The following ANKRD28 variants were observed in gnomAD, a reference collection of about 807,000 sequenced individuals.
ANKRD28 encodes ankyrin repeat domain 28.
In ANKRD28, 44 loss-of-function variants were observed where a neutral mutation model predicts 126.5. That is an observed-to-expected ratio of 0.35 (90% CI 0.27 to 0.45). The LOEUF is 0.45. ANKRD28 is among the 20% of genes least tolerant of loss of function. The pLI is 1.00. For missense variants in ANKRD28, 1,110 were observed against 1,316.6 expected (o/e 0.84, Z 2.43); for synonymous variants, 442 against 468.5 (o/e 0.94, Z 0.73).
Position 15,735,390 on chromosome 3 carries a change from T to G in ANKRD28, c.640+20A>C. On this transcript the variant is annotated intron_variant, in intron 6 of 27. Transcript: ENST00000683139. The stretch of plus-strand genomic sequence containing the variant: ...TTTCTAAATATATAATATCAAAAAC[T>G]AAATTTAAAAAGTACATACCCATAT... 6.6e-7 allele frequency: 1 copy of G among 1,514,336 alleles called. No homozygotes were observed. Among genetic ancestry groups the G allele is most frequent in the South Asian group, 1.3e-5 (1 of 78,964 alleles). 93.8% of individuals were successfully genotyped at this position (1,514,336 alleles called of 1,614,324 possible). A position where few individuals can be genotyped will look rare whatever the true frequency, so the allele number is the denominator to read the frequency against.
rs369061513 is a variant in ANKRD28 at position 15,839,911 on chromosome 3, G to C, written c.27+19466C>G. Among the ~76,000 whole-genome samples the C allele has an allele frequency of 9.3e-4, 142 of 152,188 alleles. No homozygotes were observed. Among genetic ancestry groups the C allele is most frequent in the African/African-American group, 3.4e-3 (140 of 41,526 alleles). On this transcript the variant is annotated intron_variant, in intron 1 of 27. Transcript: ENST00000399451. The surrounding 1 kb of genome is among the most constrained non-coding windows in gnomAD (Gnocchi z 4.3). ...CAGAAGAAACATACCTCAACATAAT[G>C]AAAGCCATATACCACAGACACATAG...
Position 15,833,206 on chromosome 3 carries a change from C to T in ANKRD28, c.27+26171G>A, listed in dbSNP as rs62240840. On this transcript the variant is annotated intron_variant, in intron 1 of 27. Transcript: ENST00000399451. The surrounding 1 kb of genome is among the most constrained non-coding windows in gnomAD (Gnocchi z 4.4). ...ATTTAAGTCAGTGGGCTGGGAAAGG[C>T]GGATCTACCCTTAATCTGAGTAGGC... Among the ~76,000 whole-genome samples, 24 of 151,986 alleles carry T rather than the reference C, an allele frequency of 1.6e-4. No homozygotes were observed. The highest frequency in any genetic ancestry group is 9.8e-4 in the Admixed American group (15 of 15,260).
chr3:15,713,174 G>T (rs1177519012), intron 10 of ANKRD28, among the ~76,000 whole-genome samples: 1 of 152,046 alleles, frequency 6.6e-6, no homozygotes, highest in East Asian at 1.9e-4. Flanking sequence ...ATTATCTACA[G>T]ATAGTATTTG....
intron 14 of ANKRD28, among the ~76,000 whole-genome samples, chr3:15,706,311 A>G (rs2071386097): frequency 6.6e-6 from 1 of 151,772 alleles, no homozygotes; most frequent in Non-Finnish European, 1.5e-5. Flanking sequence ...TTATTGTTCA[A>G]TTCTCACCTA....
intron 6 of ANKRD28, among the ~76,000 whole-genome samples, chr3:15,728,949 T>C (rs1414352687): frequency 1.3e-5 from 2 of 152,216 alleles, no homozygotes; most frequent in African/African-American, 4.8e-5. Flanking sequence ...CTCTCAACCA[T>C]AACAGGTTGG....
At chr3:15,730,082 C>A (rs2074469220) in intron 6 of ANKRD28, among the ~76,000 whole-genome samples, 1 of 152,018 alleles carries the variant, frequency 6.6e-6, no homozygotes, top group African/African-American at 2.4e-5. Flanking sequence ...GTCTTCAACT[C>A]CTGGGCTCAA....
At chr3:15,738,213 A>G (rs537552636) in intron 4 of ANKRD28, among the ~76,000 whole-genome samples, 4 of 152,136 alleles carry the variant, frequency 2.6e-5, no homozygotes, top group African/African-American at 9.7e-5. Context: ...ATTTTCCCTA[A>G]GTGTCGGCTG....
At chr3:15,778,049 C>A (rs1287494751) in intron 2 of ANKRD28, among the ~76,000 whole-genome samples, 1 of 152,106 alleles carries the variant, frequency 6.6e-6, no homozygotes, top group Non-Finnish European at 1.5e-5. Context: ...ATAAAAAATG[C>A]GTATCATACA....
intron 2 of ANKRD28, among the ~76,000 whole-genome samples, chr3:15,790,373 A>G (rs2059971898): frequency 6.6e-6 from 1 of 152,164 alleles, no homozygotes; most frequent in Admixed American, 6.5e-5. Context: ...GCTGATGAGT[A>G]TTAATGCAGA....
chr3:15,737,275 G>A, intron 4 of ANKRD28, 42 bp from the exon 5 acceptor site: 1 of 1,536,388 alleles, frequency 6.5e-7, no homozygotes. Context: ...TGAGTTAAGA[G>A]TTTGAGAAAT....
intron 26 of ANKRD28, 41 bp from the exon 27 acceptor site, chr3:15,676,030 T>A: frequency 6.6e-7 from 1 of 1,508,954 alleles, no homozygotes; most frequent in Non-Finnish European, 9.1e-7. Context: ...TATGTGCATG[T>A]GCATGCACAT....
intron 2 of ANKRD28, among the ~76,000 whole-genome samples, chr3:15,777,230 C>T (rs1451896274): frequency 2.1e-5 from 3 of 145,086 alleles, no homozygotes; most frequent in African/African-American, 7.7e-5. Context: ...GCTGAGATTG[C>T]GCCACTGTAC....
In ANKRD28 at chr3:15,845,310, G is replaced by GTA. The variant is rs5846879; in HGVS notation, c.27+14065_27+14066dup. 0.14 allele frequency among the ~76,000 whole-genome samples: 20,543 copies of GTA among 150,964 alleles called. 2,068 individuals are homozygous for GTA. The highest frequency in any genetic ancestry group is 0.57 in the East Asian group (2,953 of 5,146). ...CACAATCTTCCAGAACATTTCTAAAGTATATATATATATATATTCCATATT... is the reference window on the plus strand; with the variant it reads ...CACAATCTTCCAGAACATTTCTAAAGTATATATATATATATATATTCCATATT... On this transcript the variant is annotated intron_variant, in intron 1 of 27. Transcript: ENST00000399451. This position sits in a 1 kb window ranked among gnomAD's most constrained non-coding sequence, Gnocchi z 4.9.
intron 21 of ANKRD28, among the ~76,000 whole-genome samples, chr3:15,679,994 T>C (rs1306901925): frequency 6.6e-6 from 1 of 152,190 alleles, no homozygotes; most frequent in African/African-American, 2.4e-5. Flanking sequence ...ATAGGTTATA[T>C]GCAAATACTA....
intron 1 of ANKRD28, among the ~76,000 whole-genome samples, chr3:15,825,922 A>G (rs577113183): frequency 6.6e-6 from 1 of 152,340 alleles, no homozygotes; most frequent in South Asian, 2.1e-4. Flanking sequence ...TGCCAAAATG[A>G]AAGTCAAACT....
chr3:15,696,315 G>A, intron 14 of ANKRD28, 70 bp from the exon 15 acceptor site: 2 of 1,022,694 alleles, frequency 2.0e-6, no homozygotes, highest in South Asian at 1.6e-5. Context: ...AAAAGAGACT[G>A]AAATTAAAAA....
In ANKRD28 at chr3:15,667,632, C is replaced by T. The variant is rs2066049718; in HGVS notation, c.*2638G>A. 6.6e-6 allele frequency: 1 copy of T among 152,186 alleles called. No individual in the cohort carries two copies. The highest frequency in any genetic ancestry group is 2.4e-5 in the African/African-American group (1 of 41,458). 9.4% of individuals were successfully genotyped at this position (152,186 alleles called of 1,614,324 possible). A position where few individuals can be genotyped will look rare whatever the true frequency, so the allele number is the denominator to read the frequency against. On this transcript the variant is annotated 3_prime_UTR_variant, in exon 28 of 28. Transcript: ENST00000683139. ...AATGTACTTATTCCAACAATACTGG[C>T]GTAGTTCAAATACCATTTGAGACAG...
At chr3:15,787,929 T>C (rs1454332019) in intron 2 of ANKRD28, among the ~76,000 whole-genome samples, 1 of 152,180 alleles carries the variant, frequency 6.6e-6, no homozygotes, top group African/African-American at 2.4e-5. Context: ...ATAAAGTATA[T>C]CTAAATTCAG....
At chr3:15,717,524 A>AG (rs775407865) in intron 8 of ANKRD28, among the ~76,000 whole-genome samples, 8 of 151,898 alleles carry the variant, frequency 5.3e-5, no homozygotes, top group Admixed American at 2.0e-4. Flanking sequence ...AGGAGTATTA[A>AG]GAAAAAAAAA....
Sources: allele counts gnomAD v4.1 joint callset (sites outside exome capture counted in the v4.1 genomes callset), GRCh38; gene constraint gnomAD v4.1.1; non-coding constraint Gnocchi (gnomAD v3.1); transcripts MANE v1.5; gene names NCBI Gene and HGNC (gene_info 2026-07-23, HGNC 2026-07-21).